Variants in TCTN2 observed in about 807,000 individuals in gnomAD.
TCTN2 encodes tectonic-2.
TCTN2 carries 66 observed loss-of-function variants against 83.4 expected under a neutral mutation model. The ratio of observed to expected loss-of-function variants is 0.79; its 90% CI spans 0.65 to 0.97. TCTN2 has a LOEUF of 0.97. TCTN2 is among the 50% of genes least tolerant of loss of function. TCTN2 has a pLI of 0.00. For synonymous variants in TCTN2, 301 were observed against 326.7 expected (o/e 0.92, Z 0.85); for missense variants, 794 against 858.1 (o/e 0.93, Z 0.93).
intron 14 of TCTN2, among the ~76,000 whole-genome samples, chr12:123,704,284 G>A (rs1350728136): frequency 1.3e-5 from 2 of 152,180 alleles, no homozygotes; most frequent in Middle Eastern, 3.4e-3. Flanking sequence ...GGATTACGGC[G>A]TTAGCCACCG....
chr12:123,705,498 T>G (rs1169325335), intron 15 of TCTN2, among the ~76,000 whole-genome samples: 1 of 152,130 alleles, frequency 6.6e-6, no homozygotes, highest in East Asian at 1.9e-4. Flanking sequence ...GCCCAGTTCA[T>G]ACTGACTTAA....
chr12:123,692,912 G>T (rs1045163164), intron 9 of TCTN2, among the ~76,000 whole-genome samples, 189 bp downstream of exon 9: 1 of 151,716 alleles, frequency 6.6e-6, no homozygotes, highest in African/African-American at 2.4e-5. Flanking sequence ...TGCTCTCTGT[G>T]ACCTTGAGCC....
rs138049537 is a variant in TCTN2 at position 123,690,622 on chromosome 12, C to T, written c.981C>T (p.Tyr327=). The change falls in exon 8 of 18, where the codon TAC becomes TAT. Residue 327 remains tyrosine, a synonymous_variant. Transcript: ENST00000303372. The stretch of plus-strand genomic sequence containing the variant: ...AATGCGTTACTAATTTGGAACTATA[C>T]CAAGAACGAGATGGTATTATCAATG... ...DVKCVTNLEL[Y]QERDGIINAK... is the part of the protein sequence containing the mutation. 3.1e-6 allele frequency: 5 copies of T among 1,614,042 alleles called. No individual in the cohort carries two copies. The highest frequency in any genetic ancestry group is 4.2e-6 in the Non-Finnish European group (5 of 1,180,022).
chr12:123,672,502 G>A (rs1955767557), intron 3 of TCTN2, among the ~76,000 whole-genome samples: 1 of 152,068 alleles, frequency 6.6e-6, no homozygotes, highest in African/African-American at 2.4e-5. Context: ...TTGGGAGATT[G>A]AGGCGGGAGG....
chr12:123,693,376 C>CTTTT (rs373196834), intron 9 of TCTN2, among the ~76,000 whole-genome samples: 12 of 92,928 alleles, frequency 1.3e-4, no homozygotes, highest in Non-Finnish European at 1.7e-4. Context: ...GCTTTCTTTC[C>CTTTT]TTTTTTTTTT....
intron 5 of TCTN2, among the ~76,000 whole-genome samples, chr12:123,680,057 A>T (rs1036049822): frequency 1.3e-5 from 2 of 151,772 alleles, no homozygotes; most frequent in Non-Finnish European, 2.9e-5. Context: ...GTATTTTTTT[A>T]AATTTAAAAA....
In TCTN2 at chr12:123,699,560, G is replaced by A. The variant is rs1259418396; in HGVS notation, c.1506-144G>A. On this transcript the variant is annotated intron_variant, in intron 13 of 17. Transcript: ENST00000303372. Reference sequence around the variant, plus strand: ...GCCATCAGACACACCTAGTCCATGGGTGACACCCAGCCAGTTTTTAATGCC... The same window carrying A: ...GCCATCAGACACACCTAGTCCATGGATGACACCCAGCCAGTTTTTAATGCC... 5 of 723,450 alleles carry A rather than the reference G, an allele frequency of 6.9e-6. No homozygotes were observed. The South Asian group carries it at 7.5e-5, about 11-fold the overall frequency. The allele number at this position is 723,450 out of a possible 1,614,324, so 44.8% of individuals were successfully genotyped here. A position where few individuals can be genotyped will look rare whatever the true frequency, so the allele number is the denominator to read the frequency against.
chr12:123,684,273 G>A (rs1417941354), intron 5 of TCTN2, among the ~76,000 whole-genome samples: 1 of 151,200 alleles, frequency 6.6e-6, no homozygotes, highest in Non-Finnish European at 1.5e-5. Context: ...GTTTTGTTTT[G>A]TTTCCTTTTG....
At chr12:123,700,653 G>A (rs1433917740) in intron 14 of TCTN2, among the ~76,000 whole-genome samples, 2 of 152,144 alleles carry the variant, frequency 1.3e-5, no homozygotes, top group South Asian at 2.1e-4. Flanking sequence ...GGCTGGTCTC[G>A]AACTCCTGAC....
chr12:123,687,816 A>C (rs1414627788), intron 6 of TCTN2, among the ~76,000 whole-genome samples: 2 of 152,054 alleles, frequency 1.3e-5, no homozygotes, highest in Non-Finnish European at 2.9e-5. Flanking sequence ...ACAAAAAATT[A>C]GCCAGGTGTG....
At chr12:123,676,154 C>G (rs905912779) in intron 4 of TCTN2, among the ~76,000 whole-genome samples, 2 of 152,108 alleles carry the variant, frequency 1.3e-5, no homozygotes, top group Non-Finnish European at 2.9e-5. Context: ...GTAGTCGGTG[C>G]CTGTAGCCCC....
At chr12:123,692,932 A>G (rs1334932818) in intron 9 of TCTN2, among the ~76,000 whole-genome samples, 1 of 150,974 alleles carries the variant, frequency 6.6e-6, no homozygotes, top group Non-Finnish European at 1.5e-5. Flanking sequence ...CTGCTCCTCC[A>G]CAGTCCTGGA....
intron 5 of TCTN2, among the ~76,000 whole-genome samples, chr12:123,683,509 G>A (rs1207947250): frequency 1.3e-5 from 2 of 151,798 alleles, no homozygotes; most frequent in Admixed American, 6.6e-5. Flanking sequence ...TTGAACTCCT[G>A]GCCTCAAGTG....
chr12:123,681,958 T>G (rs1955904851), intron 5 of TCTN2, among the ~76,000 whole-genome samples: 1 of 152,106 alleles, frequency 6.6e-6, no homozygotes, highest in Admixed American at 6.6e-5. Flanking sequence ...TTCTTTATGA[T>G]TTCCTTCTTT....
chr12:123,679,529 T>C (rs1955868032), intron 5 of TCTN2, among the ~76,000 whole-genome samples: 1 of 151,700 alleles, frequency 6.6e-6, no homozygotes, highest in Non-Finnish European at 1.5e-5. Flanking sequence ...ACCCAGCTAA[T>C]TGTTTTGTAT....
At chr12:123,674,266 A>G (rs1955792820) in intron 4 of TCTN2, among the ~76,000 whole-genome samples, 1 of 151,288 alleles carries the variant, frequency 6.6e-6, no homozygotes, top group Non-Finnish European at 1.5e-5. Context: ...GTTTATGTAC[A>G]TTGATTCTCT....
chr12:123,674,172 T>C (rs889114754), intron 4 of TCTN2, among the ~76,000 whole-genome samples: 1 of 152,246 alleles, frequency 6.6e-6, no homozygotes, highest in African/African-American at 2.4e-5. Flanking sequence ...TTTGTACTAT[T>C]TTATTTAACA....
chr12:123,702,373 G>A (rs903441379), intron 14 of TCTN2, among the ~76,000 whole-genome samples: 3 of 152,082 alleles, frequency 2.0e-5, no homozygotes, highest in African/African-American at 7.2e-5. Context: ...TTCACACAAC[G>A]GCCCATACAG....
In TCTN2 at chr12:123,704,632, G is replaced by A. The variant is rs772675747; in HGVS notation, c.1713G>A (p.Ser571=). Residue 571 remains serine (S), a synonymous_variant, in exon 15 of 18, where the codon TCG becomes TCA. Transcript: ENST00000303372. The part of the protein sequence containing the change: ...PAHLSIRILI[S]DAGAVEGITQ... ...ACCTGAGCATCCGCATCCTCATCTC[G>A]GATGCTGGCGCGGTGGAAGGGATTA... 14 of 1,613,268 alleles carry A rather than the reference G, an allele frequency of 8.7e-6. No individual in the cohort carries two copies. The highest frequency in any genetic ancestry group is 2.2e-5 in the South Asian group (2 of 91,034).
Sources: gnomAD v4.1 joint callset for allele counts (sites outside exome capture counted in the v4.1 genomes callset) on GRCh38, gnomAD v4.1.1 for gene constraint, MANE v1.5 for transcripts, NCBI Gene and HGNC (gene_info 2026-07-23, HGNC 2026-07-21) for gene names.